Variants in TTC17 observed in about 807,000 individuals in gnomAD.
TTC17 encodes the protein tetratricopeptide repeat domain 17.
A neutral mutation model predicts 143.8 loss-of-function variants in TTC17; 58 were observed. That is an observed-to-expected ratio of 0.40 (90% CI 0.33 to 0.50). The LOEUF (loss-of-function observed/expected upper bound fraction) is 0.50. TTC17 is among the 20% of genes least tolerant of loss of function. The probability of loss-of-function intolerance (pLI) is 0.49; values close to 1 mark genes in which losing one functional copy is unlikely to be tolerated. For synonymous variants in TTC17, 501 were observed against 497.8 expected, an observed-to-expected ratio of 1.01 and a Z score of -0.09; for missense variants, 1,273 against 1,392.5, an observed-to-expected ratio of 0.91 and a Z score of 1.37.
At chr11:43,360,904 A>G (rs1333438041) in intron 1 of TTC17, among the ~76,000 whole-genome samples, 1 of 152,164 alleles carries the variant, frequency 6.6e-6, no homozygotes, top group African/African-American at 2.4e-5. Context: ...TCTCTATTAC[A>G]TGACTTTTTA....
intron 18 of TTC17, among the ~76,000 whole-genome samples, chr11:43,444,720 C>CGT (rs1350249082): frequency 8.5e-6 from 1 of 117,450 alleles, no homozygotes; most frequent in Non-Finnish European, 1.8e-5. Context: ...TCACCAAATA[C>CGT]ATACACACAC....
intron 1 of TTC17, 34 bp downstream of exon 1, chr11:43,359,147 C>T (rs758295322): frequency 3.0e-5 from 46 of 1,541,810 alleles, no homozygotes; most frequent in Non-Finnish European, 3.7e-5. Context: ...CTCCCGTGCC[C>T]GCCCTCGCCC....
chr11:43,425,790 A>T (rs780799917), intron 16 of TTC17, among the ~76,000 whole-genome samples: 4 of 152,210 alleles, frequency 2.6e-5, no homozygotes, highest in Admixed American at 6.5e-5. Context: ...TAACCAGCAA[A>T]GTATATTTAA....
At chr11:43,458,568 G>T (rs1262581165) in intron 21 of TTC17, among the ~76,000 whole-genome samples, 1 of 152,074 alleles carries the variant, frequency 6.6e-6, no homozygotes, top group Non-Finnish European at 1.5e-5. Context: ...TAGAATTTTA[G>T]GGCATCTCTC....
chr11:43,399,610 A>G (rs951181080), intron 8 of TTC17, among the ~76,000 whole-genome samples: 7 of 152,312 alleles, frequency 4.6e-5, no homozygotes, highest in African/African-American at 1.7e-4. Flanking sequence ...GTTGAGCCCA[A>G]GAGTACAAGG....
chr11:43,445,913 A>G (rs1947529965), intron 18 of TTC17: 1 of 1,058,096 alleles, frequency 9.5e-7, no homozygotes, highest in Non-Finnish European at 1.4e-6. Flanking sequence ...AACTAATTTC[A>G]TTTCCTTTTT....
intron 15 of TTC17, among the ~76,000 whole-genome samples, chr11:43,408,935 G>T (rs532224028): frequency 2.0e-5 from 3 of 151,754 alleles, no homozygotes; most frequent in Non-Finnish European, 4.4e-5. Context: ...TAGAGATGGG[G>T]TTTCACCATG....
chr11:43,407,484 T>C lies in TTC17; in HGVS notation c.1971T>C (p.Pro657=). Residue 657 remains proline, a synonymous_variant, in exon 15 of 24, where the codon CCT becomes CCC. Coordinates refer to ENST00000039989, the MANE Select transcript of TTC17 (RefSeq NM_018259.6). ...NLAPLQYQDV[P]LVNLANLLIH... is the part of the protein sequence containing the mutation. ...CTCCACTTCAATACCAAGATGTTCC[T>C]CTTGTCAACTTGGCCAACCTTTTGA... The C allele has an allele frequency of 6.2e-7, 1 of 1,614,086 alleles. No homozygotes were observed. The highest frequency in any genetic ancestry group is 1.3e-5 in the African/African-American group (1 of 75,040).
intron 21 of TTC17, among the ~76,000 whole-genome samples, chr11:43,454,642 A>G (rs1477108971): frequency 2.6e-5 from 4 of 152,150 alleles, no homozygotes; most frequent in Non-Finnish European, 5.9e-5. Flanking sequence ...GATAAAGCAT[A>G]CAAGGCAAAT....
chr11:43,382,730 C>CA (rs1857017786), intron 2 of TTC17, among the ~76,000 whole-genome samples: 1 of 151,952 alleles, frequency 6.6e-6, no homozygotes, highest in Non-Finnish European at 1.5e-5. Context: ...GTCCATGACA[C>CA]AAAAAGATTA....
intron 2 of TTC17, among the ~76,000 whole-genome samples, chr11:43,388,829 A>T (rs1857268118): frequency 6.6e-6 from 1 of 151,672 alleles, no homozygotes; most frequent in African/African-American, 2.4e-5. Flanking sequence ...AAAAAAAATT[A>T]GCCAGACATG....
intron 21 of TTC17, among the ~76,000 whole-genome samples, chr11:43,488,835 A>C (rs1948423451): frequency 6.6e-6 from 1 of 152,068 alleles, no homozygotes; most frequent in African/African-American, 2.4e-5. Context: ...TAAGTAGTTG[A>C]GACTACAGGT....
At chr11:43,407,320 T>C (rs757136799) in intron 14 of TTC17, 33 bp from the exon 15 acceptor site, 5 of 1,602,366 alleles carry the variant, frequency 3.1e-6, no homozygotes, top group Non-Finnish European at 4.3e-6. Flanking sequence ...TACTGTATTC[T>C]TGTACTAACT....
intron 8 of TTC17, among the ~76,000 whole-genome samples, chr11:43,398,948 C>G (rs900924246): frequency 6.6e-5 from 10 of 152,162 alleles, no homozygotes; most frequent in Non-Finnish European, 1.5e-4. Flanking sequence ...CAGTATCATG[C>G]TCTTAATAAT....
At chr11:43,411,685 T>G (rs552191777) in intron 15 of TTC17, among the ~76,000 whole-genome samples, 1 of 152,368 alleles carries the variant, frequency 6.6e-6, no homozygotes, top group East Asian at 1.9e-4. Flanking sequence ...CAGGATATTT[T>G]TACAGCTGTC....
chr11:43,455,675 C>T (rs914843626), intron 21 of TTC17, among the ~76,000 whole-genome samples: 2 of 151,896 alleles, frequency 1.3e-5, no homozygotes, highest in African/African-American at 4.8e-5. Context: ...TATTATTTCT[C>T]AGTAGAAACA....
chr11:43,428,664 GAA>G (rs1947084080), intron 16 of TTC17, among the ~76,000 whole-genome samples: 1 of 152,232 alleles, frequency 6.6e-6, no homozygotes, highest in African/African-American at 2.4e-5. Context: ...TAGGTCTGCA[GAA>G]ACCAATTCAG....
intron 1 of TTC17, among the ~76,000 whole-genome samples, chr11:43,377,505 A>T (rs973891189): frequency 6.6e-6 from 1 of 152,232 alleles, no homozygotes; most frequent in Non-Finnish European, 1.5e-5. Flanking sequence ...ACTTGAAAGT[A>T]CCTCAGAAAA....
chr11:43,411,347 C>T (rs984426646), intron 15 of TTC17, among the ~76,000 whole-genome samples: 5 of 152,238 alleles, frequency 3.3e-5, no homozygotes, highest in Admixed American at 6.5e-5. Flanking sequence ...ATTGCTTACT[C>T]CACCTCCTTG....
Sources: allele counts gnomAD v4.1 joint callset (sites outside exome capture counted in the v4.1 genomes callset), GRCh38; gene constraint gnomAD v4.1.1; transcripts MANE v1.5; gene names NCBI Gene and HGNC (gene_info 2026-07-23, HGNC 2026-07-21).